INTS9: variants seen among roughly 807,000 people sequenced by gnomAD.
The protein encoded by INTS9 is integrator complex subunit 9.
Under a neutral mutation model 79.7 loss-of-function variants are expected in INTS9, and 55 were observed. The observed-to-expected ratio is 0.69, with a 90% CI of 0.56 to 0.86. The LOEUF is 0.86. Ranked by LOEUF, INTS9 falls within the 40% of genes least tolerant of loss-of-function variation. The pLI, the probability that INTS9 is intolerant of heterozygous loss-of-function variation, is 0.00. For synonymous variants in INTS9, 319 were observed against 325.2 expected, an observed-to-expected ratio of 0.98 and a Z score of 0.20; for missense variants, 721 against 831.5, an observed-to-expected ratio of 0.87 and a Z score of 1.64.
chr8:28,815,952 C>T (rs1360647845), intron 6 of INTS9, among the ~76,000 whole-genome samples: 1 of 151,948 alleles, frequency 6.6e-6, no homozygotes, highest in Non-Finnish European at 1.5e-5. Flanking sequence ...AATATTTAGA[C>T]TACAAGCAAA....
chr8:28,878,703 C>A (rs542943079), intron 1 of INTS9, among the ~76,000 whole-genome samples: 2 of 150,240 alleles, frequency 1.3e-5, no homozygotes, highest in African/African-American at 4.9e-5. Context: ...TTGGGCCAGG[C>A]GCGGTGGCTC....
At chr8:28,887,186 CA>C (rs1224553242) in intron 1 of INTS9, among the ~76,000 whole-genome samples, 1 of 151,886 alleles carries the variant, frequency 6.6e-6, no homozygotes, top group Non-Finnish European at 1.5e-5. Flanking sequence ...ATTAGCCAGG[CA>C]AAAAAGAGTG....
At chr8:28,856,844 G>A (rs908407648) in intron 2 of INTS9, among the ~76,000 whole-genome samples, 2 of 152,190 alleles carry the variant, frequency 1.3e-5, no homozygotes, top group African/African-American at 4.8e-5. Context: ...GTAGCCAAGA[G>A]TTAGTTTTTC....
chr8:28,889,106 A>G (rs1810401293), intron 1 of INTS9, among the ~76,000 whole-genome samples: 1 of 152,178 alleles, frequency 6.6e-6, no homozygotes, highest in Admixed American at 6.5e-5. Context: ...TTTCTACACT[A>G]TGTTATTAAC....
At chr8:28,861,509 G>A (rs1808458756) in intron 1 of INTS9, among the ~76,000 whole-genome samples, 1 of 152,202 alleles carries the variant, frequency 6.6e-6, no homozygotes, top group Non-Finnish European at 1.5e-5. Context: ...TTATTTCTGA[G>A]TGGGAAGATT....
intron 8 of INTS9, among the ~76,000 whole-genome samples, chr8:28,808,212 G>A (rs1387402945): frequency 9.7e-6 from 1 of 102,754 alleles, no homozygotes; most frequent in Middle Eastern, 6.0e-3. Context: ...TTTTTTTTTT[G>A]AGACGGAGTC....
intron 6 of INTS9, among the ~76,000 whole-genome samples, chr8:28,830,588 G>GT (rs1308140483): frequency 6.7e-6 from 1 of 148,842 alleles, no homozygotes. Flanking sequence ...TCGCATCACT[G>GT]TACTGCAGCC....
At chr8:28,815,060 G>A (rs1422698842) in intron 6 of INTS9, among the ~76,000 whole-genome samples, 1 of 152,166 alleles carries the variant, frequency 6.6e-6, no homozygotes, top group Non-Finnish European at 1.5e-5. Context: ...AAGGCCTCAA[G>A]TGGGGGCAGA....
In INTS9 at chr8:28,773,490, A is replaced by G. The variant is rs143227323; in HGVS notation, c.1563+2269T>C. ...AAAAAAAAAAAAAAAAATCTATGAA[A>G]AAAGGAACTGTTAAATTATGACAGA... On this transcript the variant is annotated intron_variant, in intron 14 of 16. Coordinates refer to ENST00000521022, the MANE Select transcript of INTS9 (RefSeq NM_018250.4). 5.9e-3 allele frequency among the ~76,000 whole-genome samples: 894 copies of G among 151,878 alleles called. 12 individuals carry two copies. Among genetic ancestry groups the G allele is most frequent in the African/African-American group, 0.02 (837 of 41,402 alleles).
At chr8:28,824,935 G>A (rs996562499) in intron 6 of INTS9, among the ~76,000 whole-genome samples, 1 of 152,162 alleles carries the variant, frequency 6.6e-6, no homozygotes, top group Non-Finnish European at 1.5e-5. Flanking sequence ...TGAAATGTCT[G>A]GTGCAGAAGA....
intron 11 of INTS9, among the ~76,000 whole-genome samples, chr8:28,786,935 T>C (rs1371253035): frequency 2.0e-5 from 3 of 152,202 alleles, no homozygotes; most frequent in South Asian, 2.1e-4. Context: ...GCCAGGATGG[T>C]CTCGATCTCC....
chr8:28,847,161 G>A (rs1390023451), intron 3 of INTS9, among the ~76,000 whole-genome samples: 1 of 152,172 alleles, frequency 6.6e-6, no homozygotes, highest in African/African-American at 2.4e-5. Context: ...GTGGGGACAT[G>A]GATTACATAA....
At position 28,865,945 on chromosome 8, in the gene INTS9, A is replaced by ATT. The variant is rs372809917; in HGVS notation, c.10-6384_10-6383dup. On this transcript the variant is annotated intron_variant, in intron 1 of 16. Transcript: ENST00000521022. ...CCCCCCTCCCTGTGACTAAATTATC[A>ATT]TTTTTTTTTTTGCAATGTATAGTGC... Among the ~76,000 whole-genome samples, 730 of 143,300 alleles carry ATT rather than the reference A, an allele frequency of 5.1e-3. 2 individuals carry two copies. Among genetic ancestry groups the ATT allele is most frequent in the African/African-American group, 0.014 (565 of 38,966 alleles). The allele number at this position is 143,300 out of a possible 152,430, so 94.0% of individuals were successfully genotyped here. A position where few individuals can be genotyped will look rare whatever the true frequency, so the allele number is the denominator to read the frequency against.
intron 6 of INTS9, among the ~76,000 whole-genome samples, chr8:28,828,410 G>A (rs1334499068): frequency 1.3e-5 from 2 of 152,194 alleles, no homozygotes; most frequent in African/African-American, 2.4e-5. Flanking sequence ...CCTACTGTGT[G>A]ACTGGCATTG....
At chr8:28,854,957 C>T (rs1178593272) in intron 2 of INTS9, among the ~76,000 whole-genome samples, 1 of 152,190 alleles carries the variant, frequency 6.6e-6, no homozygotes, top group Non-Finnish European at 1.5e-5. Context: ...CTACAAAGGG[C>T]ATGATTTTGT....
In INTS9 at chr8:28,835,035, T is replaced by C. The variant is rs536686764; in HGVS notation, c.488+257A>G. ...CTGTTAACTGACCTGTTGAGTTATC[T>C]GATTTTCCATTAAACTTTGACCACC... On this transcript the variant is annotated intron_variant, in intron 6 of 16. Transcript: ENST00000521022. Among the ~76,000 whole-genome samples, 60 of 152,362 alleles carry C rather than the reference T, an allele frequency of 3.9e-4. 1 individual carries two copies. Among genetic ancestry groups the C allele is most frequent in the Admixed American group, 3.9e-3 (60 of 15,308 alleles).
intron 3 of INTS9, among the ~76,000 whole-genome samples, chr8:28,847,255 A>G (rs1807571180): frequency 6.6e-6 from 1 of 152,240 alleles, no homozygotes; most frequent in African/African-American, 2.4e-5. Context: ...AAGCACCTCC[A>G]GTGATCCTGT....
chr8:28,807,362 G>T (rs1227030757), intron 8 of INTS9, among the ~76,000 whole-genome samples: 1 of 152,124 alleles, frequency 6.6e-6, no homozygotes, highest in Non-Finnish European at 1.5e-5. Context: ...GAAAAAGAGG[G>T]AAAGGCTCCC....
At chr8:28,844,437 G>A (rs1021690109) in intron 4 of INTS9, among the ~76,000 whole-genome samples, 2 of 152,170 alleles carry the variant, frequency 1.3e-5, no homozygotes, top group Non-Finnish European at 2.9e-5. Context: ...CTACTTGGGA[G>A]GTTGAGGTGG....
Sources: allele counts gnomAD v4.1 joint callset (sites outside exome capture counted in the v4.1 genomes callset), GRCh38; gene constraint gnomAD v4.1.1; transcripts MANE v1.5; gene names NCBI Gene and HGNC (gene_info 2026-07-23, HGNC 2026-07-21).